Variants in SEPTIN11 observed in about 807,000 individuals in gnomAD.
SEPTIN11 encodes the protein septin-11.
A neutral mutation model predicts 51.4 loss-of-function variants in SEPTIN11; 25 were observed. That is an observed-to-expected ratio of 0.49 (90% CI 0.35 to 0.68). SEPTIN11 has a LOEUF of 0.68. Ranked by LOEUF, SEPTIN11 falls within the 30% of genes least tolerant of loss-of-function variation. SEPTIN11 has a pLI of 0.00. For synonymous variants in SEPTIN11, 174 were observed against 184.1 expected, an observed-to-expected ratio of 0.95 and a Z score of 0.44; for missense variants, 381 against 520.8, an observed-to-expected ratio of 0.73 and a Z score of 2.61.
chr4:77,005,608 A>G lies in SEPTIN11; in HGVS notation c.150A>G (p.Thr50=). ...TCTTTTGTGGTTATGTAGGTGAGAC[A>G]GGCATTGGCAAATCCACGTTAATGG... is the stretch of plus-strand genomic sequence containing the variant. ...FCFNILCVGE[T]GIGKSTLMDT... The change falls in exon 3 of 10, where the codon ACA becomes ACG. Residue 50 remains threonine (T), a synonymous_variant. Coordinates refer to ENST00000264893, the MANE Select transcript of SEPTIN11 (RefSeq NM_018243.4). 6.2e-7 allele frequency: 1 copy of G among 1,612,832 alleles called. No homozygotes were observed. Among genetic ancestry groups the G allele is most frequent in the East Asian group, 2.2e-5 (1 of 44,834 alleles).
intron 1 of SEPTIN11, among the ~76,000 whole-genome samples, chr4:76,985,731 G>A (rs1046555047): frequency 2.0e-5 from 3 of 152,186 alleles, no homozygotes; most frequent in Non-Finnish European, 4.4e-5. Flanking sequence ...GTTCTCCCGC[G>A]CCTCACTCTG....
At chr4:77,016,615 C>CATATATATATACACAT (rs1725268672) in intron 5 of SEPTIN11, among the ~76,000 whole-genome samples, 3 of 79,220 alleles carry the variant, frequency 3.8e-5, no homozygotes, top group African/African-American at 1.4e-4. Context: ...TATATATACA[C>CATATATATATACACAT]ATATATATAT....
chr4:76,994,324 A>G (rs1242033820), intron 1 of SEPTIN11, among the ~76,000 whole-genome samples: 2 of 152,216 alleles, frequency 1.3e-5, no homozygotes, highest in Admixed American at 1.3e-4. Context: ...AAACACCTTA[A>G]AAACACCTGC....
chr4:76,956,683 T>C (rs996867834), intron 1 of SEPTIN11, among the ~76,000 whole-genome samples: 16 of 152,190 alleles, frequency 1.1e-4, no homozygotes, highest in Admixed American at 1.0e-3. Flanking sequence ...GTCACTTCCA[T>C]GCAGATTGTA....
chr4:76,953,326 T>C (rs1415880923), intron 1 of SEPTIN11, among the ~76,000 whole-genome samples: 1 of 152,192 alleles, frequency 6.6e-6, no homozygotes, highest in Non-Finnish European at 1.5e-5. Context: ...GTGACAGACT[T>C]CAGTGTAAAT....
intron 1 of SEPTIN11, chr4:76,974,916 A>T (rs1321839992): frequency 1.1e-5 from 5 of 454,236 alleles, no homozygotes; most frequent in Middle Eastern, 5.3e-4. Context: ...TGAGGCCAGG[A>T]GTTCAAGACC....
chr4:76,966,708 C>A (rs534712140), intron 1 of SEPTIN11, among the ~76,000 whole-genome samples: 2 of 150,952 alleles, frequency 1.3e-5, no homozygotes, highest in African/African-American at 4.9e-5. Flanking sequence ...AGAAAAAATA[C>A]AAGAATTAGC....
At chr4:76,966,777 TC>T (rs1722052425) in intron 1 of SEPTIN11, among the ~76,000 whole-genome samples, 1 of 151,948 alleles carries the variant, frequency 6.6e-6, no homozygotes, top group African/African-American at 2.4e-5. Context: ...GGTGGGAGGA[TC>T]GCTTGAGTCT....
chr4:76,970,027 A>G (rs1195565412), intron 1 of SEPTIN11, among the ~76,000 whole-genome samples: 1 of 151,868 alleles, frequency 6.6e-6, no homozygotes, highest in African/African-American at 2.4e-5. Context: ...TAACAGCTCA[A>G]CTCCCAGCAT....
chr4:76,974,596 C>T (rs557095477), intron 1 of SEPTIN11: 46 of 370,256 alleles, frequency 1.2e-4, no homozygotes, highest in African/African-American at 9.1e-4. Flanking sequence ...AGAACTAAGG[C>T]GTTCTAGATA....
At chr4:77,016,615 C>CACATATATATATATACACAT in intron 5 of SEPTIN11, among the ~76,000 whole-genome samples, 1 of 79,228 alleles carries the variant, frequency 1.3e-5, no homozygotes, top group East Asian at 3.1e-4. Flanking sequence ...TATATATACA[C>CACATATATATATATACACAT]ATATATATAT....
At chr4:76,996,311 T>G in intron 1 of SEPTIN11, 114 bp from the exon 2 acceptor site, 3 of 791,496 alleles carry the variant, frequency 3.8e-6, no homozygotes, top group Non-Finnish European at 6.3e-6. Context: ...GTGGAGGGTC[T>G]CCTTTTTCCA....
In SEPTIN11 at chr4:76,995,979, T is replaced by G. The variant is rs912279683; in HGVS notation, c.28-446T>G. ...TCATCATTGTAAGGAGTATGAATCCTCCACTGTGAGCTTTTCAAAGTTCTT... is the reference window on the plus strand; with the variant it reads ...TCATCATTGTAAGGAGTATGAATCCGCCACTGTGAGCTTTTCAAAGTTCTT... On this transcript the variant is annotated intron_variant, in intron 1 of 9. Transcript: ENST00000264893. The G allele has an allele frequency of 3.3e-6, 5 of 1,516,994 alleles. No homozygotes were observed. In the African/African-American group the frequency reaches 6.9e-5, roughly 21 times the overall value. 94.0% of individuals were successfully genotyped at this position (1,516,994 alleles called of 1,614,324 possible).
chr4:77,011,907 A>G lies in SEPTIN11; in HGVS notation c.511A>G (p.Lys171Glu), dbSNP rs750676544. The G allele has an allele frequency of 3.7e-6, 6 of 1,613,734 alleles. No homozygotes were observed. The Admixed American group carries it at 1.0e-4, about 27-fold the overall frequency. The change falls in exon 4 of 10, where the codon AAG (lysine) becomes GAG (glutamate). Residue 171 changes from lysine to glutamate, a missense_variant. By Grantham distance (56) the Lys-to-Glu change is moderately conservative. Coordinates refer to ENST00000264893, the MANE Select transcript of SEPTIN11 (RefSeq NM_018243.4). ...GTCCCTGGATCTGGTCACCATGAAA[A>G]AGCTGGACAGTAAGGTACTTGCTGC... is the stretch of plus-strand genomic sequence containing the variant. ...LKSLDLVTMKKLDSKVNIIPI... is the reference protein window; with the variant it reads ...LKSLDLVTMKELDSKVNIIPI...
chr4:76,973,530 G>A (rs1246718319), intron 1 of SEPTIN11, among the ~76,000 whole-genome samples: 1 of 152,200 alleles, frequency 6.6e-6, no homozygotes, highest in Non-Finnish European at 1.5e-5. Context: ...TCTCCACACA[G>A]CTCAGCATGG....
chr4:77,019,782 C>G (rs1323900424), intron 6 of SEPTIN11, among the ~76,000 whole-genome samples: 1 of 152,198 alleles, frequency 6.6e-6, no homozygotes, highest in Non-Finnish European at 1.5e-5. Flanking sequence ...GACAAGGACT[C>G]TATGACCTAC....
At chr4:76,969,137 CA>C (rs1722142937) in intron 1 of SEPTIN11, among the ~76,000 whole-genome samples, 2 of 152,220 alleles carry the variant, frequency 1.3e-5, no homozygotes, top group South Asian at 4.1e-4. Context: ...TTCAGGCCAA[CA>C]GAAGCAAGTT....
In SEPTIN11 at chr4:77,036,978, A is replaced by G. The variant is rs978596394; in HGVS notation, c.*2466A>G. The stretch of plus-strand genomic sequence containing the variant: ...TGAGTAGCCTTTGTTTAAAAAAAAG[A>G]CTAAATATATTTAAAAGGCCACATT... On this transcript the variant is annotated 3_prime_UTR_variant, in exon 10 of 10. Coordinates refer to ENST00000264893, the MANE Select transcript of SEPTIN11 (RefSeq NM_018243.4). The G allele has an allele frequency of 8.7e-6, 11 of 1,269,430 alleles. No individual in the cohort carries two copies. The highest frequency in any genetic ancestry group is 1.1e-5 in the Non-Finnish European group (11 of 1,010,116). 78.6% of individuals were successfully genotyped at this position (1,269,430 alleles called of 1,614,324 possible).
intron 7 of SEPTIN11, among the ~76,000 whole-genome samples, chr4:77,026,854 A>G (rs1279822962): frequency 6.6e-6 from 1 of 152,240 alleles, no homozygotes; most frequent in African/African-American, 2.4e-5. Flanking sequence ...GCAAAATTTC[A>G]TGAATTATTT....
Sources: allele counts gnomAD v4.1 joint callset (sites outside exome capture counted in the v4.1 genomes callset), GRCh38; gene constraint gnomAD v4.1.1; transcripts MANE v1.5; gene names NCBI Gene and HGNC (gene_info 2026-07-23, HGNC 2026-07-21).